GLG1: variants seen among roughly 807,000 people sequenced by gnomAD.
The protein encoded by GLG1 is Golgi apparatus protein 1.
A neutral mutation model predicts 160.5 loss-of-function variants in GLG1; 38 were observed. The ratio of observed to expected loss-of-function variants is 0.24; its 90% confidence interval spans 0.18 to 0.31. The LOEUF is 0.31. Ranked by LOEUF, GLG1 falls within the 10% of genes least tolerant of loss-of-function variation. The pLI is 1.00. For synonymous variants in GLG1, 644 were observed against 543.4 expected (o/e 1.19, Z -2.57); for missense variants, 1,373 against 1,505.2 (o/e 0.91, Z 1.45).
chr16:74,475,054 G>C lies in GLG1; in HGVS notation c.1966-422C>G, dbSNP rs369964013. On this transcript the variant is annotated intron_variant, in intron 12 of 25. Transcript: ENST00000422840. ...TGCCTGTAATCCCAGCAACTCAGGA[G>C]GCTAAGGCAGGAGAATTGCTTGAAC... is the stretch of plus-strand genomic sequence containing the variant. 1.1e-4 allele frequency among the ~76,000 whole-genome samples: 17 copies of C among 151,220 alleles called. No individual in the cohort carries two copies. The East Asian group carries it at 1.2e-3, about 10-fold the overall frequency.
chr16:74,465,450 C>G (rs2014964576), intron 19 of GLG1, among the ~76,000 whole-genome samples: 1 of 152,076 alleles, frequency 6.6e-6, no homozygotes, highest in Admixed American at 6.6e-5. Context: ...ATCAGAACCC[C>G]CTAGGGAGGC....
At chr16:74,529,869 G>C (rs1227736414) in intron 2 of GLG1, among the ~76,000 whole-genome samples, 1 of 143,078 alleles carries the variant, frequency 7.0e-6, no homozygotes, top group Non-Finnish European at 1.5e-5. Flanking sequence ...CAGACTGGAG[G>C]GCAGTGGCAC....
chr16:74,587,040 T>C (rs566881239), intron 1 of GLG1, among the ~76,000 whole-genome samples: 32 of 152,252 alleles, frequency 2.1e-4, no homozygotes, highest in African/African-American at 7.7e-4. Flanking sequence ...CCTTCCCACA[T>C]TTAATATGTC....
rs180729442 is a variant in GLG1 at position 74,546,070 on chromosome 16, G to T, written c.439-13917C>A. 2.0e-5 allele frequency among the ~76,000 whole-genome samples: 3 copies of T among 152,284 alleles called. No individual in the cohort carries two copies. In the South Asian group the frequency reaches 6.2e-4, roughly 32 times the overall value. ...ACATTACTATAATTCTTTCAAAGAC[G>T]ATCAGATCTTACCATAGTATCTTTG... On this transcript the variant is annotated intron_variant, in intron 1 of 25. Transcript: ENST00000422840.
At position 74,498,448 on chromosome 16, in the gene GLG1, G is replaced by GTGTATATATA. The variant is rs1491436581; in HGVS notation, c.775-1805_775-1804insTATATATACA. On this transcript the variant is annotated intron_variant, in intron 4 of 25. Transcript: ENST00000422840. Reference sequence around the variant, plus strand: ...GGCTCTGTCTCAAAAAAAAAAAAAAGTATATATATATATATATATTATATT... The same window carrying GTGTATATATA: ...GGCTCTGTCTCAAAAAAAAAAAAAAGTGTATATATATATATATATATATATATATTATATT... 2.3e-3 allele frequency among the ~76,000 whole-genome samples: 56 copies of GTGTATATATA among 24,040 alleles called. 14 individuals carry two copies. Among genetic ancestry groups the GTGTATATATA allele is most frequent in the Non-Finnish European group, 3.9e-3 (50 of 12,944 alleles). The allele number at this position is 24,040 out of a possible 152,430, so 15.8% of individuals were successfully genotyped here. A position where few individuals can be genotyped will look rare whatever the true frequency, so the allele number is the denominator to read the frequency against.
At position 74,483,039 on chromosome 16, in the gene GLG1, T is replaced by C. The variant is rs771103385; in HGVS notation, c.1657A>G (p.Ile553Val). 2 of 1,594,970 alleles carry C rather than the reference T, an allele frequency of 1.3e-6. No homozygotes were observed. The highest frequency in any genetic ancestry group is 2.7e-5 in the African/African-American group (2 of 74,704). Residue 553 changes from isoleucine (I) to valine (V), a missense_variant, in exon 10 of 26, where the codon ATC becomes GTC. By Grantham distance (29) the Ile-to-Val change is conservative (BLOSUM62 3). Coordinates refer to ENST00000422840, the MANE Select transcript of GLG1 (RefSeq NM_001145667.2). ...EHRLLELQYF[I>V]SRDWKLDPVL... ...AATACTCACTTCCAATCCCGGGAGA[T>C]GAAATACTGCAGCTCTAAGAGACGG...
intron 1 of GLG1, among the ~76,000 whole-genome samples, chr16:74,597,882 G>A (rs1308391265): frequency 6.6e-6 from 1 of 151,084 alleles, no homozygotes; most frequent in Admixed American, 6.6e-5. Flanking sequence ...TGGACATGGT[G>A]GTGTGTACCT....
chr16:74,595,122 A>G lies in GLG1; in HGVS notation c.438+11535T>C, dbSNP rs1214717085. Among the ~76,000 whole-genome samples, 32 of 151,484 alleles carry G rather than the reference A, an allele frequency of 2.1e-4. No homozygotes were observed. The Admixed American group carries it at 2.1e-3, about 10-fold the overall frequency. On this transcript the variant is annotated intron_variant, in intron 1 of 25. Transcript: ENST00000422840. Reference sequence around the variant, plus strand: ...AGAACGGCATGAACCCGGGAGGCGGAGCTTGCAGTGAGCGGAGATCGCGCC... The same window carrying G: ...AGAACGGCATGAACCCGGGAGGCGGGGCTTGCAGTGAGCGGAGATCGCGCC...
intron 18 of GLG1, among the ~76,000 whole-genome samples, chr16:74,467,419 C>T (rs752121417): frequency 8.6e-5 from 13 of 152,020 alleles, no homozygotes; most frequent in Non-Finnish European, 1.5e-4. Flanking sequence ...AGTGAAGTAA[C>T]GGTTAATTTT....
At chr16:74,544,855 A>G (rs1347934809) in intron 1 of GLG1, among the ~76,000 whole-genome samples, 2 of 152,134 alleles carry the variant, frequency 1.3e-5, no homozygotes, top group Admixed American at 6.5e-5. Context: ...ACCTAGCACA[A>G]TGCTAGTAGT....
chr16:74,582,196 C>T (rs888029541), intron 1 of GLG1, among the ~76,000 whole-genome samples: 5 of 152,040 alleles, frequency 3.3e-5, no homozygotes, highest in African/African-American at 7.2e-5. Context: ...GACAGACTTC[C>T]GCTCTTATTG....
At chr16:74,522,184 G>C (rs1281302857) in intron 2 of GLG1, among the ~76,000 whole-genome samples, 8 of 152,234 alleles carry the variant, frequency 5.3e-5, no homozygotes, top group Non-Finnish European at 8.8e-5. Context: ...ATGAAAATGG[G>C]AAAAGGGCTT....
At chr16:74,464,014 A>C (rs2014906927) in intron 19 of GLG1, 1 of 154,144 alleles carries the variant, frequency 6.5e-6, no homozygotes, top group Admixed American at 6.4e-5. Context: ...CATCTATCCA[A>C]AAGCTGATGA....
intron 1 of GLG1, among the ~76,000 whole-genome samples, chr16:74,591,903 C>A (rs544677866): frequency 6.6e-6 from 1 of 152,140 alleles, no homozygotes; most frequent in African/African-American, 2.4e-5. Flanking sequence ...TACGTGGGAG[C>A]AGAGTTTTCC....
chr16:74,539,849 T>C (rs2017784647), intron 1 of GLG1, among the ~76,000 whole-genome samples: 1 of 145,988 alleles, frequency 6.8e-6, no homozygotes, highest in Non-Finnish European at 1.5e-5. Context: ...ACTCTAACAC[T>C]AGTTAAACTG....
intron 13 of GLG1, chr16:74,474,272 G>A: frequency 3.1e-6 from 1 of 320,188 alleles, no homozygotes; most frequent in East Asian, 5.4e-5. Context: ...TATCTTAAGG[G>A]AGAAACAGAG....
At chr16:74,534,963 G>A (rs578024129) in intron 1 of GLG1, among the ~76,000 whole-genome samples, 2 of 152,104 alleles carry the variant, frequency 1.3e-5, no homozygotes, top group Non-Finnish European at 2.9e-5. Flanking sequence ...TACAATATGA[G>A]CAGAGGATTT....
intron 2 of GLG1, among the ~76,000 whole-genome samples, chr16:74,514,679 C>A (rs1234649455): frequency 6.6e-6 from 1 of 152,124 alleles, no homozygotes; most frequent in African/African-American, 2.4e-5. Flanking sequence ...CCAGCCACTG[C>A]AAAAACATGC....
chr16:74,558,750 A>G (rs2018421265), intron 1 of GLG1, among the ~76,000 whole-genome samples: 1 of 152,242 alleles, frequency 6.6e-6, no homozygotes, highest in Non-Finnish European at 1.5e-5. Context: ...TTCATGGTGG[A>G]TTAGAATAGT....
Sources: gnomAD v4.1 joint callset for allele counts (sites outside exome capture counted in the v4.1 genomes callset) on GRCh38, gnomAD v4.1.1 for gene constraint, MANE v1.5 for transcripts, NCBI Gene and HGNC (gene_info 2026-07-23, HGNC 2026-07-21) for gene names.